CCDC138: variants seen among roughly 807,000 people sequenced by gnomAD.
The protein encoded by CCDC138 is coiled-coil domain containing 138.
A neutral mutation model predicts 82.3 loss-of-function variants in CCDC138; 66 were observed. That is an observed-to-expected ratio of 0.80 (90% CI 0.66 to 0.98). The LOEUF is 0.98. Ranked by LOEUF, CCDC138 falls within the 50% of genes least tolerant of loss-of-function variation. The pLI, the probability that CCDC138 is intolerant of heterozygous loss-of-function variation, is 0.00. For synonymous variants in CCDC138, 297 were observed against 265.4 expected (o/e 1.12, Z -1.16); for missense variants, 816 against 758.9 (o/e 1.08, Z -0.88).
rs545478426 is a variant in CCDC138, at chr2:108,791,547, T to G, written c.267-128T>G. 1.7e-5 allele frequency: 19 copies of G among 1,089,904 alleles called. No individual in the cohort carries two copies. In the East Asian group the frequency reaches 4.5e-4, roughly 26 times the overall value. 67.5% of individuals were successfully genotyped at this position (1,089,904 alleles called of 1,614,324 possible). On this transcript the variant is annotated intron_variant, in intron 3 of 14. Coordinates refer to ENST00000295124, the MANE Select transcript of CCDC138 (RefSeq NM_144978.3). ...CGTTTTTTCTTTTTACATGTTTACA[T>G]TTTGCAGTTTAAAAAATGTTTTTAC...
intron 10 of CCDC138, among the ~76,000 whole-genome samples, chr2:108,823,957 A>T (rs913569177): frequency 3.3e-5 from 5 of 151,852 alleles, no homozygotes; most frequent in African/African-American, 1.2e-4. Flanking sequence ...AGCCTGGGCC[A>T]CAGAGTGAGA....
At chr2:108,795,891 G>A (rs1228426982) in intron 5 of CCDC138, among the ~76,000 whole-genome samples, 1 of 152,040 alleles carries the variant, frequency 6.6e-6, no homozygotes, top group Non-Finnish European at 1.5e-5. Flanking sequence ...AAAAAGTCAG[G>A]TTTTAGGAAG....
chr2:108,877,338 C>T (rs1696099720), downstream of CCDC138, among the ~76,000 whole-genome samples: 2 of 151,688 alleles, frequency 1.3e-5, no homozygotes, highest in South Asian at 4.2e-4. Flanking sequence ...CGGTGATGGG[C>T]ACCTGTGATC....
chr2:108,823,419 CAT>C lies in CCDC138; in HGVS notation c.1206+7315_1206+7316del, dbSNP rs1473652636. Reference sequence around the variant, plus strand: ...ACCAAACTGAATTCAACAGTACAGTCATGTGTTGCTTAACAATAGGACCACAT... The same window carrying C: ...ACCAAACTGAATTCAACAGTACAGTCGTGTTGCTTAACAATAGGACCACAT... On this transcript the variant is annotated intron_variant, in intron 10 of 14. Transcript: ENST00000295124. Among the ~76,000 whole-genome samples the C allele has an allele frequency of 1.6e-4, 24 of 152,318 alleles. No homozygotes were observed. The East Asian group carries it at 4.6e-3, about 29-fold the overall frequency.
rs548130293 is a variant in CCDC138, at chr2:108,809,350, A to C, written c.856-3281A>C. ...TTAGAATTTTTTTCTATTTCTGTGA[A>C]GGATGTTGTTGGTATTTTAATAAAC... is the stretch of plus-strand genomic sequence containing the variant. On this transcript the variant is annotated intron_variant, in intron 7 of 14. Transcript: ENST00000295124. 4.7e-4 allele frequency among the ~76,000 whole-genome samples: 72 copies of C among 152,148 alleles called. 1 individual carries two copies. In the South Asian group the frequency reaches 7.0e-3, roughly 15 times the overall value.
intron 2 of CCDC138, 63 bp from the exon 3 acceptor site, chr2:108,788,789 A>G: frequency 6.3e-7 from 1 of 1,599,814 alleles, no homozygotes; most frequent in South Asian, 1.1e-5. Context: ...ACTTATGGCC[A>G]GTGCCAGATA....
rs139856707 is a variant in CCDC138 at position 108,786,895 on chromosome 2, G to C, written c.73G>C (p.Gly25Arg). Residue 25 changes from glycine to arginine, a missense_variant, in exon 1 of 15, where the codon GGG (glycine) becomes CGG (arginine). Transcript: ENST00000295124. ...VESLKSRYGL[G>R]GSCPDEYDFS... The stretch of plus-strand genomic sequence containing the variant: ...GAGTCTCAAAAGCCGCTACGGACTC[G>C]GGGGCAGCTGCCCCGACGAGGTGAA... 1.9e-6 allele frequency: 3 copies of C among 1,554,168 alleles called. No individual in the cohort carries two copies. Among genetic ancestry groups the C allele is most frequent in the Non-Finnish European group, 2.6e-6 (3 of 1,153,098 alleles).
At chr2:108,842,378 A>G (rs895330573) in intron 11 of CCDC138, among the ~76,000 whole-genome samples, 5 of 152,066 alleles carry the variant, frequency 3.3e-5, no homozygotes, top group Non-Finnish European at 7.4e-5. Context: ...TGGGAGTTAC[A>G]TGGCAAACCT....
At chr2:108,846,690 T>C (rs1393078073) in intron 11 of CCDC138, 48 bp from the exon 12 acceptor site, 4 of 1,504,002 alleles carry the variant, frequency 2.7e-6, no homozygotes, top group East Asian at 2.3e-5. Flanking sequence ...AAAAAAGATA[T>C]ATTCTGAACA....
intron 6 of CCDC138, among the ~76,000 whole-genome samples, chr2:108,798,940 A>G (rs1409025569): frequency 1.3e-5 from 2 of 152,176 alleles, no homozygotes; most frequent in Admixed American, 6.6e-5. Flanking sequence ...GAATAAAGAC[A>G]TTCTCCAGAC....
chr2:108,789,517 C>T (rs1373542088), intron 3 of CCDC138, among the ~76,000 whole-genome samples: 1 of 152,248 alleles, frequency 6.6e-6, no homozygotes, highest in East Asian at 1.9e-4. Flanking sequence ...TCACTTGAAC[C>T]CGGGAGGTGG....
chr2:108,818,442 T>C (rs562253081), intron 10 of CCDC138, among the ~76,000 whole-genome samples: 1 of 152,358 alleles, frequency 6.6e-6, no homozygotes, highest in South Asian at 2.1e-4. Context: ...TCTGTTGACA[T>C]GTTCAGGATT....
At chr2:108,843,327 T>G (rs1558715757) in intron 11 of CCDC138, among the ~76,000 whole-genome samples, 1 of 151,944 alleles carries the variant, frequency 6.6e-6, no homozygotes, top group Admixed American at 6.6e-5. Context: ...CTGTCTACTT[T>G]TTGTATTTTT....
At chr2:108,846,281 T>A (rs960111140) in intron 11 of CCDC138, among the ~76,000 whole-genome samples, 3 of 152,230 alleles carry the variant, frequency 2.0e-5, no homozygotes, top group Non-Finnish European at 4.4e-5. Context: ...CAAATAATTT[T>A]TTAAGTTGAT....
Position 108,856,933 on chromosome 2 carries a change from T to C in CCDC138, c.1656T>C (p.Asn552=), listed in dbSNP as rs755739057. The change falls in exon 13 of 15, where the codon AAT becomes AAC. Residue 552 remains asparagine, a synonymous_variant. Transcript: ENST00000295124. The stretch of plus-strand genomic sequence containing the variant: ...TATCCAGTAAAGGACTCCTGTCTAA[T>C]GTTATTGATAGTTTGCTCCAGATGA... ...LRISSKGLLS[N]VIDSLLQMTV... 2.5e-6 allele frequency: 4 copies of C among 1,611,176 alleles called. No individual in the cohort carries two copies. In the East Asian group the frequency reaches 6.7e-5, roughly 27 times the overall value.
rs533212223 is a variant in CCDC138 at position 108,796,277 on chromosome 2, A to C, written c.576+1556A>C. On this transcript the variant is annotated intron_variant, in intron 5 of 14. Coordinates refer to ENST00000295124, the MANE Select transcript of CCDC138 (RefSeq NM_144978.3). The stretch of plus-strand genomic sequence containing the variant: ...CACTGTGTTAGCCAGGATGGTCTCG[A>C]TCTCCTGACCTCGTGATCCGCCCGC... Among the ~76,000 whole-genome samples the C allele has an allele frequency of 3.5e-4, 52 of 150,154 alleles. 2 individuals carry two copies. The South Asian group carries it at 0.011, about 32-fold the overall frequency.
chr2:108,877,699 G>C (rs1696121866), downstream of CCDC138, among the ~76,000 whole-genome samples: 1 of 152,084 alleles, frequency 6.6e-6, no homozygotes, highest in African/African-American at 2.4e-5. Context: ...CAGAACAAGT[G>C]GAGCGGAAGC....
chr2:108,791,431 T>TA (rs1190753072), intron 3 of CCDC138: 4 of 478,532 alleles, frequency 8.4e-6, no homozygotes, highest in African/African-American at 2.0e-5. Context: ...ATACCACAGG[T>TA]AGGTATATGT....
chr2:108,816,054 A>G lies in CCDC138; in HGVS notation c.1155A>G (p.Pro385=), dbSNP rs146251545. Residue 385 remains proline, a synonymous_variant, in exon 10 of 15, where the codon CCA becomes CCG. Transcript: ENST00000295124. The stretch of plus-strand genomic sequence containing the variant: ...AATCTGGAATGGATGGTAAAAAACC[A>G]CAACTCAAATTTGCTTCCCAGAGAA... ...HEESGMDGKK[P]QLKFASQRND... 2.2e-5 allele frequency: 36 copies of G among 1,613,492 alleles called. No individual in the cohort carries two copies. The highest frequency in any genetic ancestry group is 1.2e-4 in the Admixed American group (7 of 59,856).
Sources: allele counts gnomAD v4.1 joint callset (sites outside exome capture counted in the v4.1 genomes callset), GRCh38; gene constraint gnomAD v4.1.1; transcripts MANE v1.5; gene names NCBI Gene and HGNC (gene_info 2026-07-23, HGNC 2026-07-21).